Variants in OSBP2 observed in about 807,000 individuals in gnomAD.
OSBP2 encodes the protein oxysterol binding protein 2.
A neutral mutation model predicts 96.0 loss-of-function variants in OSBP2; 66 were observed. The observed-to-expected ratio is 0.69, with a 90% CI of 0.56 to 0.84. The LOEUF is 0.84. Ranked by LOEUF, OSBP2 falls within the 40% of genes least tolerant of loss-of-function variation. The pLI, the probability that OSBP2 is intolerant of heterozygous loss-of-function variation, is 0.00. For missense variants in OSBP2, 1,038 were observed against 1,222.7 expected (o/e 0.85, Z 2.25); for synonymous variants, 525 against 520.9 (o/e 1.01, Z -0.11).
At position 30,825,818 on chromosome 22, in the gene OSBP2, T is replaced by G. The variant is rs112649348; in HGVS notation, c.854-44611T>G. Among the ~76,000 whole-genome samples the G allele has an allele frequency of 9.7e-3, 1,474 of 152,196 alleles. 19 individuals are homozygous for G. Among genetic ancestry groups the G allele is most frequent in the African/African-American group, 0.031 (1,272 of 41,532 alleles). On this transcript the variant is annotated intron_variant, in intron 2 of 13. Transcript: ENST00000332585. ...CTCGTCTGCGGCCTCAAAGCACCCC[T>G]GCTTGCCCACAAGCCAGCCTTCATA...
At chr22:30,717,092 G>A (rs9609059) in intron 1 of OSBP2, among the ~76,000 whole-genome samples, 2 of 69,510 alleles carry the variant, frequency 2.9e-5, no homozygotes, top group Non-Finnish European at 3.5e-5. Flanking sequence ...TACTGTTTTT[G>A]TGTGTGTGTG....
At chr22:30,703,273 A>G (rs1407628312) in intron 1 of OSBP2, among the ~76,000 whole-genome samples, 1 of 151,840 alleles carries the variant, frequency 6.6e-6, no homozygotes, top group Non-Finnish European at 1.5e-5. Context: ...TCCTGGGTTC[A>G]AGCGATTTTC....
chr22:30,834,118 T>G (rs185923612), intron 2 of OSBP2, among the ~76,000 whole-genome samples: 3 of 152,180 alleles, frequency 2.0e-5, no homozygotes, highest in Admixed American at 2.0e-4. Flanking sequence ...GGTGTGATCA[T>G]AGCTCACTGC....
chr22:30,895,146 C>A (rs2040035536), intron 12 of OSBP2, among the ~76,000 whole-genome samples: 1 of 152,120 alleles, frequency 6.6e-6, no homozygotes, highest in Non-Finnish European at 1.5e-5. Flanking sequence ...CGCCATGCTG[C>A]CCTGGAAGAG....
chr22:30,732,353 T>C (rs1047114662), intron 1 of OSBP2, among the ~76,000 whole-genome samples: 8 of 152,256 alleles, frequency 5.3e-5, no homozygotes, highest in Middle Eastern at 3.4e-3. Flanking sequence ...AGGAGTCCTC[T>C]GGGTTTTATT....
At chr22:30,829,415 C>T (rs2038475442) in intron 2 of OSBP2, among the ~76,000 whole-genome samples, 1 of 152,220 alleles carries the variant, frequency 6.6e-6, no homozygotes, top group African/African-American at 2.4e-5. Context: ...GCATCAGCCT[C>T]CCGAGTAGCT....
At chr22:30,899,913 T>C (rs908036139) in intron 12 of OSBP2, among the ~76,000 whole-genome samples, 11 of 152,320 alleles carry the variant, frequency 7.2e-5, no homozygotes, top group African/African-American at 2.6e-4. Flanking sequence ...ACAAGATTAA[T>C]ATACGAAAGC....
At chr22:30,785,473 AAG>A (rs1374409220) in intron 2 of OSBP2, among the ~76,000 whole-genome samples, 1 of 151,932 alleles carries the variant, frequency 6.6e-6, no homozygotes, top group Non-Finnish European at 1.5e-5. Context: ...AAGCTGAGGA[AAG>A]AGAATCACTT....
upstream of OSBP2, chr22:30,694,080 T>TCCACAA: frequency 1.3e-6 from 2 of 1,548,994 alleles, no homozygotes; most frequent in South Asian, 2.4e-5. Context: ...CAGGTAAACC[T>TCCACAA]CTGCGGAAGC....
At chr22:30,866,630 A>G (rs1440069179) in intron 2 of OSBP2, among the ~76,000 whole-genome samples, 12 of 152,216 alleles carry the variant, frequency 7.9e-5, no homozygotes, top group Admixed American at 5.9e-4. Context: ...CCAGCTACTC[A>G]GGAGGCTGAA....
intron 1 of OSBP2, among the ~76,000 whole-genome samples, chr22:30,700,734 T>A (rs1165322153): frequency 1.3e-5 from 2 of 152,116 alleles, no homozygotes; most frequent in South Asian, 4.1e-4. Context: ...AAGGAATGCC[T>A]CCCAGAAATT....
chr22:30,837,261 CAAA>C (rs34674333), intron 2 of OSBP2, among the ~76,000 whole-genome samples: 8 of 110,782 alleles, frequency 7.2e-5, no homozygotes, highest in Admixed American at 1.9e-4. Flanking sequence ...GACTCTGTCT[CAAA>C]AAAAAAAAAA....
intron 2 of OSBP2, among the ~76,000 whole-genome samples, chr22:30,831,151 T>A (rs2147003469): frequency 6.6e-6 from 1 of 152,324 alleles, no homozygotes; most frequent in South Asian, 2.1e-4. Flanking sequence ...AGCAGCCCCA[T>A]CACCCTTGGC....
At chr22:30,905,791 C>G (rs762637430) in intron 12 of OSBP2, 46 bp from the exon 13 acceptor site, 2 of 1,603,494 alleles carry the variant, frequency 1.2e-6, no homozygotes, top group Non-Finnish European at 1.7e-6. Flanking sequence ...TAGGTGTGGT[C>G]CGGCTCACAC....
chr22:30,825,758 G>T (rs1243495255), intron 2 of OSBP2, among the ~76,000 whole-genome samples: 1 of 152,224 alleles, frequency 6.6e-6, no homozygotes, highest in East Asian at 1.9e-4. Flanking sequence ...GCCTTGGGCA[G>T]GCCCTGACCA....
At chr22:30,863,345 T>TGTTTTCTGGCGAGGGTGCA (rs992707179) in intron 2 of OSBP2, among the ~76,000 whole-genome samples, 1 of 152,108 alleles carries the variant, frequency 6.6e-6, no homozygotes, top group Non-Finnish European at 1.5e-5. Context: ...TGGGAATGGC[T>TGTTTTCTGGCGAGGGTGCA]GTTTTCTGGC....
At chr22:30,697,185 T>C (rs554405452) in intron 1 of OSBP2, among the ~76,000 whole-genome samples, 11 of 152,220 alleles carry the variant, frequency 7.2e-5, no homozygotes, top group Non-Finnish European at 1.3e-4. Flanking sequence ...TTTATAAGTA[T>C]AGTCTCCCAC....
At chr22:30,782,546 G>A (rs1312655723) in intron 2 of OSBP2, among the ~76,000 whole-genome samples, 2 of 152,104 alleles carry the variant, frequency 1.3e-5, no homozygotes, top group African/African-American at 4.8e-5. Context: ...GTTGGCTTTT[G>A]TCACCCAGTG....
At chr22:30,780,743 T>A (rs1043144613) in intron 2 of OSBP2, among the ~76,000 whole-genome samples, 2 of 152,050 alleles carry the variant, frequency 1.3e-5, no homozygotes, top group Non-Finnish European at 2.9e-5. Context: ...GGTGATCCGC[T>A]CGTCTTGGCC....
Sources: gnomAD v4.1 joint callset for allele counts (sites outside exome capture counted in the v4.1 genomes callset) on GRCh38, gnomAD v4.1.1 for gene constraint, MANE v1.5 for transcripts, NCBI Gene and HGNC (gene_info 2026-07-23, HGNC 2026-07-21) for gene names.